Variants in CLK4 observed in about 807,000 individuals in gnomAD.
CLK4 encodes the protein CDC like kinase 4.
CLK4 carries 37 observed loss-of-function variants against 64.4 expected under a neutral mutation model. That is an observed-to-expected ratio of 0.57 (90% CI 0.44 to 0.76). CLK4 has a LOEUF of 0.76. Among genes scored for constraint, CLK4 ranks in the 30% least tolerant of loss-of-function variants. The pLI is 0.00. For missense variants in CLK4, 457 were observed against 605.1 expected, an observed-to-expected ratio of 0.76 and a Z score of 2.57; for synonymous variants, 175 against 191.6, an observed-to-expected ratio of 0.91 and a Z score of 0.72.
chr5:178,617,242 T>TA lies in CLK4; in HGVS notation c.475+101dup. On this transcript the variant is annotated intron_variant, in intron 4 of 12. Transcript: ENST00000316308. The surrounding 1 kb of genome is among the most constrained non-coding windows in gnomAD (Gnocchi z 5.2). ...ACAAACAAACCCACAAAAAGCAAAA[T>TA]AAAAAAGCAATGAAGAGTTCTTTAG... 1 of 886,744 alleles carries TA rather than the reference T, an allele frequency of 1.1e-6. No individual in the cohort carries two copies. The allele number at this position is 886,744 out of a possible 1,614,324, so 54.9% of individuals were successfully genotyped here.
intron 3 of CLK4, 78 bp downstream of exon 3, chr5:178,618,478 A>G: frequency 1.7e-6 from 1 of 591,926 alleles, no homozygotes; most frequent in East Asian, 3.5e-5. Flanking sequence ...ATATATATAA[A>G]AAATTAGAAA....
At chr5:178,603,812 GT>G (rs755787024) in intron 12 of CLK4, 31 bp downstream of exon 12, 18 of 1,586,368 alleles carry the variant, frequency 1.1e-5, no homozygotes, top group Non-Finnish European at 1.5e-5. Flanking sequence ...CAAACACGTG[GT>G]TTATTTAACC....
Position 178,618,689 on chromosome 5 carries a change from T to C in CLK4, c.251A>G (p.Tyr84Cys), listed in dbSNP as rs747857193. The change falls in exon 3 of 13, where the codon TAT (tyrosine) becomes TGT (cysteine). Residue 84 changes from tyrosine (Y) to cysteine (C), a missense_variant. Coordinates refer to ENST00000316308, the MANE Select transcript of CLK4 (RefSeq NM_020666.3). ...GTCTCTGTGATAATGTCTAGGAACA[T>C]ATCCTTCACAGTAGTCATTCCTGTA... ...DEYRNDYCEGYVPRHYHRDIE... is the reference protein window; with the variant it reads ...DEYRNDYCEGCVPRHYHRDIE... 5.6e-6 allele frequency: 9 copies of C among 1,613,968 alleles called. No individual in the cohort carries two copies. Among genetic ancestry groups the C allele is most frequent in the East Asian group, 4.5e-5 (2 of 44,870 alleles).
At chr5:178,614,979 A>G (rs1244350713) in intron 5 of CLK4, among the ~76,000 whole-genome samples, 2 of 152,252 alleles carry the variant, frequency 1.3e-5, no homozygotes, top group Non-Finnish European at 2.9e-5. Flanking sequence ...TCAGATATTT[A>G]TCTATGGCTA....
chr5:178,604,140 C>G (rs759606991), intron 11 of CLK4: 12 of 373,306 alleles, frequency 3.2e-5, no homozygotes, highest in Admixed American at 8.6e-5. Flanking sequence ...AGTCTCTCAA[C>G]TAAGTTGTTC....
chr5:178,614,362 G>A (rs1381276010), intron 5 of CLK4, among the ~76,000 whole-genome samples: 1 of 152,144 alleles, frequency 6.6e-6, no homozygotes, highest in Non-Finnish European at 1.5e-5. Context: ...GATTGGGAAG[G>A]AAACATCCAG....
chr5:178,610,988 G>A (rs749996494), intron 9 of CLK4, among the ~76,000 whole-genome samples: 19 of 151,496 alleles, frequency 1.3e-4, no homozygotes, highest in Non-Finnish European at 1.8e-4. Context: ...TAGGAGAATC[G>A]CGCGAACCTG....
intron 11 of CLK4, 61 bp from the exon 12 acceptor site, chr5:178,603,995 C>T (rs1247403932): frequency 2.4e-6 from 3 of 1,255,064 alleles, no homozygotes; most frequent in African/African-American, 3.0e-5. Flanking sequence ...CTTTACCCTG[C>T]ACCCATGAGG....
chr5:178,617,089 A>T lies in CLK4; in HGVS notation c.476-141T>A. 1.5e-6 allele frequency: 1 copy of T among 675,788 alleles called. No individual in the cohort carries two copies. The highest frequency in any genetic ancestry group is 2.6e-6 in the Non-Finnish European group (1 of 387,870). The allele number at this position is 675,788 out of a possible 1,614,324, so 41.9% of individuals were successfully genotyped here. ...AAGGTTTCAGCACTCAAATTATTTT[A>T]GTTTCAGCTGCTACAAAAACAATTA... On this transcript the variant is annotated intron_variant, in intron 4 of 12. Transcript: ENST00000316308. This position sits in a 1 kb window ranked among gnomAD's most constrained non-coding sequence, Gnocchi z 5.2.
chr5:178,603,108 A>G lies in CLK4; in HGVS notation c.*509T>C, dbSNP rs1233033294. Reference sequence around the variant, plus strand: ...CCCAATGAAAAAGAATACAACACTTAAAATTTAATAGAATTCTAACAGTAA... The same window carrying G: ...CCCAATGAAAAAGAATACAACACTTGAAATTTAATAGAATTCTAACAGTAA... On this transcript the variant is annotated 3_prime_UTR_variant, in exon 13 of 13. Coordinates refer to ENST00000316308, the MANE Select transcript of CLK4 (RefSeq NM_020666.3). The G allele has an allele frequency of 6.5e-6, 1 of 152,676 alleles. No homozygotes were observed. The highest frequency in any genetic ancestry group is 2.4e-5 in the African/African-American group (1 of 41,468). 9.5% of individuals were successfully genotyped at this position (152,676 alleles called of 1,614,324 possible).
rs200203546 is a variant in CLK4 at position 178,613,709 on chromosome 5, G to C, written c.659+18C>G. On this transcript the variant is annotated intron_variant, in intron 6 of 12. Transcript: ENST00000316308. ...ATTTCATGTAATATGATGGCTCCTAGGTGAAAGTTATACTTACAAGACACT... is the reference window on the plus strand; with the variant it reads ...ATTTCATGTAATATGATGGCTCCTACGTGAAAGTTATACTTACAAGACACT... 4.5e-4 allele frequency: 718 copies of C among 1,607,194 alleles called. No homozygotes were observed. The highest frequency in any genetic ancestry group is 5.7e-4 in the Non-Finnish European group (670 of 1,175,246).
intron 1 of CLK4, among the ~76,000 whole-genome samples, chr5:178,625,409 T>C (rs1419517661): frequency 7.6e-6 from 1 of 132,402 alleles, no homozygotes; most frequent in Non-Finnish European, 1.6e-5. Context: ...TGGGCGACAG[T>C]GAGACCCTGT....
intron 10 of CLK4, among the ~76,000 whole-genome samples, 167 bp downstream of exon 10, chr5:178,608,209 T>C (rs1289083474): frequency 6.6e-6 from 1 of 152,266 alleles, no homozygotes; most frequent in African/African-American, 2.4e-5. Context: ...TCACTCATAG[T>C]AATATTTCAT....
Position 178,602,772 on chromosome 5 carries a change from CA to C in CLK4, c.*844del, listed in dbSNP as rs1382394275. On this transcript the variant is annotated 3_prime_UTR_variant, in exon 13 of 13. Coordinates refer to ENST00000316308, the MANE Select transcript of CLK4 (RefSeq NM_020666.3). ...ATCCTCTTTCTCCCGTAAGAATTATCACAGACATAAATTGCCTAATTAATAA... is the reference window on the plus strand; with the variant it reads ...ATCCTCTTTCTCCCGTAAGAATTATCCAGACATAAATTGCCTAATTAATAA... 2.0e-5 allele frequency: 3 copies of C among 152,220 alleles called. No homozygotes were observed. Among genetic ancestry groups the C allele is most frequent in the African/African-American group, 7.2e-5 (3 of 41,456 alleles). The allele number at this position is 152,220 out of a possible 1,614,324, so 9.4% of individuals were successfully genotyped here. A position where few individuals can be genotyped will look rare whatever the true frequency, so the allele number is the denominator to read the frequency against.
chr5:178,625,755 G>A (rs1412687984), intron 1 of CLK4, among the ~76,000 whole-genome samples: 2 of 152,112 alleles, frequency 1.3e-5, no homozygotes, highest in African/African-American at 4.8e-5. Flanking sequence ...AACGAGCTCC[G>A]TTGTGAGAGT....
Position 178,617,656 on chromosome 5 carries a change from A to G in CLK4, c.385-222T>C. On this transcript the variant is annotated intron_variant, in intron 3 of 12. Transcript: ENST00000316308. The surrounding 1 kb of genome is among the most constrained non-coding windows in gnomAD (Gnocchi z 5.2). ...AAAACATGGCAAGGAACAGATTTTC[A>G]GATAAGATACTTAAAGTGGCAATAG... The G allele has an allele frequency of 2.7e-6, 1 of 374,668 alleles. No homozygotes were observed. The allele number at this position is 374,668 out of a possible 1,614,324, so 23.2% of individuals were successfully genotyped here.
intron 8 of CLK4, 116 bp from the exon 9 acceptor site, chr5:178,612,661 C>CA (rs1326310023): frequency 2.5e-6 from 3 of 1,210,222 alleles, no homozygotes; most frequent in African/African-American, 3.0e-5. Context: ...ATGAGAAAGG[C>CA]AAAGAAGGAT....
chr5:178,603,851 G>A lies in CLK4; in HGVS notation c.1298C>T (p.Pro433Leu), dbSNP rs779412829. The change falls in exon 12 of 13, where the codon CCG becomes CTG. Residue 433 changes from proline (P) to leucine (L), a missense_variant. Coordinates refer to ENST00000316308, the MANE Select transcript of CLK4 (RefSeq NM_020666.3). The stretch of plus-strand genomic sequence containing the variant: ...TAATCTTTTTTCTTTTACCTTCAAC[G>A]GTTTGCAGCGTCTCCTAACATATCT... ...AGRYVRRRCKPLKEFMLCHDE... is the reference protein window; with the variant it reads ...AGRYVRRRCKLLKEFMLCHDE... 10 of 1,607,430 alleles carry A rather than the reference G, an allele frequency of 6.2e-6. No individual in the cohort carries two copies. Among genetic ancestry groups the A allele is most frequent in the African/African-American group, 1.3e-5 (1 of 74,478 alleles).
rs578074949 is a variant in CLK4 at position 178,603,342 on chromosome 5, T to A, written c.*275A>T. On this transcript the variant is annotated 3_prime_UTR_variant, in exon 13 of 13. Coordinates refer to ENST00000316308, the MANE Select transcript of CLK4 (RefSeq NM_020666.3). ...TGACCTCCATGTACAAAAGGCAAGATCAATCACATTTATCACTGGACACAA... is the reference window on the plus strand; with the variant it reads ...TGACCTCCATGTACAAAAGGCAAGAACAATCACATTTATCACTGGACACAA... The A allele has an allele frequency of 4.9e-6, 1 of 203,142 alleles. No individual in the cohort carries two copies. Among genetic ancestry groups the A allele is most frequent in the East Asian group, 1.1e-4 (1 of 9,318 alleles). 12.6% of individuals were successfully genotyped at this position (203,142 alleles called of 1,614,324 possible).
Sources: allele counts gnomAD v4.1 joint callset (sites outside exome capture counted in the v4.1 genomes callset), GRCh38; gene constraint gnomAD v4.1.1; non-coding constraint Gnocchi (gnomAD v3.1); transcripts MANE v1.5; gene names NCBI Gene and HGNC (gene_info 2026-07-23, HGNC 2026-07-21).